Variants in MAP4K3 observed in about 807,000 individuals in gnomAD.
The protein encoded by MAP4K3 is mitogen-activated protein kinase kinase kinase kinase 3, also known as MAPK/ERK kinase kinase kinase 3.
In MAP4K3, 94 loss-of-function variants were observed where a neutral mutation model predicts 143.5. That is an observed-to-expected ratio of 0.65 (90% CI 0.55 to 0.78). MAP4K3 has a LOEUF of 0.78. Among genes scored for constraint, MAP4K3 ranks in the 30% least tolerant of loss-of-function variants. The pLI is 0.00. For missense variants in MAP4K3, 1,077 were observed against 1,068.1 expected, an observed-to-expected ratio of 1.01 and a Z score of -0.12; for synonymous variants, 416 against 347.2, an observed-to-expected ratio of 1.20 and a Z score of -2.20.
rs1160775510 is a variant in MAP4K3, at chr2:39,309,466, C to T, written c.1051G>A (p.Glu351Lys). ...TCTAAGGCTATACTACTTACAAGTTCATGATGTGGTTCTGTCTCCTTTCTT... is the reference window on the plus strand; with the variant it reads ...TCTAAGGCTATACTACTTACAAGTTTATGATGTGGTTCTGTCTCCTTTCTT... ...PLRKETEPHH[E>K]LPDSDGFLDS... The change falls in exon 14 of 34, where the codon GAA becomes AAA. Residue 351 changes from glutamate to lysine, a missense_variant. Physicochemically the swap from Glu to Lys is moderately conservative, Grantham distance 56. Coordinates refer to ENST00000263881, the MANE Select transcript of MAP4K3 (RefSeq NM_003618.4). 1 of 1,583,816 alleles carries T rather than the reference C, an allele frequency of 6.3e-7. No homozygotes were observed. Among genetic ancestry groups the T allele is most frequent in the Non-Finnish European group, 8.6e-7 (1 of 1,167,086 alleles).
intron 1 of MAP4K3, among the ~76,000 whole-genome samples, chr2:39,406,096 C>T (rs1667085568): frequency 6.6e-6 from 1 of 151,874 alleles, no homozygotes; most frequent in African/African-American, 2.4e-5. Context: ...ATGCAACAGA[C>T]ATACTGAAGA....
intron 32 of MAP4K3, among the ~76,000 whole-genome samples, chr2:39,252,412 G>A (rs1239477393): frequency 1.3e-5 from 2 of 152,374 alleles, no homozygotes; most frequent in South Asian, 4.1e-4. Context: ...CTACCATGCA[G>A]TAGAGCCCTG....
rs545974817 is a variant in MAP4K3 at position 39,390,960 on chromosome 2, T to C, written c.97-12837A>G. 1.0e-3 allele frequency among the ~76,000 whole-genome samples: 154 copies of C among 152,326 alleles called. 1 individual carries two copies. Among genetic ancestry groups the C allele is most frequent in the African/African-American group, 3.3e-3 (139 of 41,568 alleles). On this transcript the variant is annotated intron_variant, in intron 1 of 33. Coordinates refer to ENST00000263881, the MANE Select transcript of MAP4K3 (RefSeq NM_003618.4). ...AGTAATGACCTTATTCACCAATTTC[T>C]AACATCTGCAATATGACTGCCTGGA...
At chr2:39,294,007 T>C (rs937864065) in intron 16 of MAP4K3, 1 of 152,232 alleles carries the variant, frequency 6.6e-6, no homozygotes, top group Non-Finnish European at 1.5e-5. Context: ...GTTCCCTTAC[T>C]TCTTTTTACC....
At chr2:39,260,580 T>C in intron 29 of MAP4K3, 26 bp downstream of exon 29, 4 of 1,604,850 alleles carry the variant, frequency 2.5e-6, no homozygotes, top group South Asian at 2.2e-5. Context: ...TGTATTACCC[T>C]TAATAATTCC....
At chr2:39,436,691 A>C in intron 1 of MAP4K3, 1 of 568,804 alleles carries the variant, frequency 1.8e-6, no homozygotes, top group Non-Finnish European at 3.1e-6. Context: ...GGGCTCAGGT[A>C]AGGGCTGGGG....
At chr2:39,297,102 A>G (rs1242900177) in intron 16 of MAP4K3, among the ~76,000 whole-genome samples, 1 of 152,050 alleles carries the variant, frequency 6.6e-6, no homozygotes, top group Admixed American at 6.6e-5. Flanking sequence ...CAAAACATAA[A>G]TAATTTAATG....
chr2:39,329,080 C>G (rs1683600792), intron 8 of MAP4K3, among the ~76,000 whole-genome samples: 1 of 152,188 alleles, frequency 6.6e-6, no homozygotes, highest in South Asian at 2.1e-4. Context: ...ACCTAATTCA[C>G]AATTTCACAT....
At chr2:39,292,891 T>A in intron 17 of MAP4K3, 65 bp from the exon 18 acceptor site, 1 of 1,369,182 alleles carries the variant, frequency 7.3e-7, no homozygotes, top group South Asian at 1.2e-5. Context: ...GAAGAAATTT[T>A]AGAAAATGCA....
At position 39,366,148 on chromosome 2, in the gene MAP4K3, G is replaced by A. The variant is rs774873020; in HGVS notation, c.155-9809C>T. On this transcript the variant is annotated intron_variant, in intron 2 of 33. Transcript: ENST00000263881. ...GTCCTCAGGAGACCTGAGAACATAT[G>A]CCCAAGGTGGTCAGGGTACAGCCTA... Among the ~76,000 whole-genome samples the A allele has an allele frequency of 2.6e-5, 4 of 152,040 alleles. No individual in the cohort carries two copies. The South Asian group carries it at 6.2e-4, about 24-fold the overall frequency.
chr2:39,402,263 A>C (rs1273444083), intron 1 of MAP4K3, among the ~76,000 whole-genome samples: 1 of 152,194 alleles, frequency 6.6e-6, no homozygotes, highest in Non-Finnish European at 1.5e-5. Context: ...TCTGGAAAAA[A>C]TGAACAGAGA....
At chr2:39,327,070 C>G (rs539725505) in intron 8 of MAP4K3, among the ~76,000 whole-genome samples, 1 of 152,210 alleles carries the variant, frequency 6.6e-6, no homozygotes, top group Non-Finnish European at 1.5e-5. Flanking sequence ...TTCTAATAGA[C>G]CAACACGTCC....
chr2:39,387,960 T>C (rs530559694), intron 1 of MAP4K3, among the ~76,000 whole-genome samples: 1 of 152,362 alleles, frequency 6.6e-6, no homozygotes, highest in South Asian at 2.1e-4. Flanking sequence ...AATAATTGGA[T>C]ATAGACATGG....
intron 19 of MAP4K3, among the ~76,000 whole-genome samples, chr2:39,289,481 TA>T (rs1401711437): frequency 6.6e-6 from 1 of 151,890 alleles, no homozygotes; most frequent in Admixed American, 6.6e-5. Context: ...ATTTTACCTT[TA>T]AAAAAAACAA....
At chr2:39,374,971 T>A (rs1666178648) in intron 2 of MAP4K3, among the ~76,000 whole-genome samples, 1 of 152,098 alleles carries the variant, frequency 6.6e-6, no homozygotes, top group South Asian at 2.1e-4. Flanking sequence ...CATCAAAAAC[T>A]CTAATTTAGG....
At chr2:39,275,062 AG>A (rs1329028600) in intron 24 of MAP4K3, among the ~76,000 whole-genome samples, 1 of 152,216 alleles carries the variant, frequency 6.6e-6, no homozygotes, top group Non-Finnish European at 1.5e-5. Flanking sequence ...TCCCTCTAGG[AG>A]GGAAAAATGT....
intron 23 of MAP4K3, among the ~76,000 whole-genome samples, chr2:39,278,867 T>C (rs1681388967): frequency 6.6e-6 from 1 of 152,180 alleles, no homozygotes. Flanking sequence ...ATTCTAATTA[T>C]TTCTACAGAA....
chr2:39,292,738 C>T (rs764119829), intron 18 of MAP4K3, 35 bp downstream of exon 18: 1 of 1,579,328 alleles, frequency 6.3e-7, no homozygotes, highest in Admixed American at 1.7e-5. Flanking sequence ...CAAATGACAC[C>T]TTTTCTTTTT....
Position 39,319,513 on chromosome 2 carries a change from G to A in MAP4K3, c.919-4125C>T, listed in dbSNP as rs539350330. ...TGCACGGAGTTTGGTATACTTGAGAGTCCTGGAACCAATCCCCCTTGTGTA... is the reference window on the plus strand; with the variant it reads ...TGCACGGAGTTTGGTATACTTGAGAATCCTGGAACCAATCCCCCTTGTGTA... On this transcript the variant is annotated intron_variant, in intron 12 of 33. Coordinates refer to ENST00000263881, the MANE Select transcript of MAP4K3 (RefSeq NM_003618.4). 1.5e-4 allele frequency among the ~76,000 whole-genome samples: 23 copies of A among 152,228 alleles called. No individual in the cohort carries two copies. The East Asian group carries it at 4.4e-3, about 29-fold the overall frequency.
Sources: gnomAD v4.1 joint callset for allele counts (sites outside exome capture counted in the v4.1 genomes callset) on GRCh38, gnomAD v4.1.1 for gene constraint, MANE v1.5 for transcripts, NCBI Gene and HGNC (gene_info 2026-07-23, HGNC 2026-07-21) for gene names.